Variants in PCDHA7 observed in about 807,000 individuals in gnomAD.
PCDHA7 encodes protocadherin alpha 7.
In PCDHA7, 37 loss-of-function variants were observed where a neutral mutation model predicts 57.2. The observed-to-expected ratio is 0.65, with a 90% CI of 0.50 to 0.85. PCDHA7 has a LOEUF of 0.85. Among genes scored for constraint, PCDHA7 ranks in the 40% least tolerant of loss-of-function variants. The pLI, the probability that PCDHA7 is intolerant of heterozygous loss-of-function variation, is 0.00. For synonymous variants in PCDHA7, 553 were observed against 558.8 expected (o/e 0.99, Z 0.15); for missense variants, 1,188 against 1,241.8 (o/e 0.96, Z 0.65).
At chr5:140,856,595 A>G in intron 1 of PCDHA7, 1 of 1,597,868 alleles carries the variant, frequency 6.3e-7, no homozygotes. Context: ...TGATATTATA[A>G]ACAAAAAAGA....
intron 1 of PCDHA7, chr5:140,856,875 T>C (rs782182859): frequency 1.3e-6 from 2 of 1,595,778 alleles, no homozygotes; most frequent in Non-Finnish European, 1.7e-6. Flanking sequence ...AACAAGGAAA[T>C]GATGTATTCA....
intron 1 of PCDHA7, among the ~76,000 whole-genome samples, chr5:140,900,657 C>T (rs116775770): frequency 0.011 from 1,723 of 152,294 alleles, 23 homozygotes; most frequent in African/African-American, 0.039. Context: ...CTGCAATGAA[C>T]AATGGGAGTG....
Position 140,858,656 on chromosome 5 carries a change from T to A in PCDHA7, c.2355+21918T>A, listed in dbSNP as rs1562540116. 9 of 783,778 alleles carry A rather than the reference T, an allele frequency of 1.1e-5. 2 individuals are homozygous for A. The highest frequency in any genetic ancestry group is 1.6e-5 in the Non-Finnish European group (8 of 509,472). 48.6% of individuals were successfully genotyped at this position (783,778 alleles called of 1,614,324 possible). A position where few individuals can be genotyped will look rare whatever the true frequency, so the allele number is the denominator to read the frequency against. On this transcript the variant is annotated intron_variant, in intron 1 of 3. Transcript: ENST00000525929. ...CCTTTGATTGGTACTTAAATTTTTTTAAATAACAATTTATTCTGAATACAC... is the reference window on the plus strand; with the variant it reads ...CCTTTGATTGGTACTTAAATTTTTTAAAATAACAATTTATTCTGAATACAC...
chr5:141,010,535 C>G lies in PCDHA7; in HGVS notation c.*598C>G, dbSNP rs1423355739. 1 of 386,620 alleles carries G rather than the reference C, an allele frequency of 2.6e-6. No homozygotes were observed. Among genetic ancestry groups the G allele is most frequent in the African/African-American group, 2.0e-5 (1 of 48,880 alleles). 23.9% of individuals were successfully genotyped at this position (386,620 alleles called of 1,614,324 possible). On this transcript the variant is annotated 3_prime_UTR_variant, in exon 4 of 4. Coordinates refer to ENST00000525929, the MANE Select transcript of PCDHA7 (RefSeq NM_018910.3). ...CAACTCAAGAGGTGGCAGCCACCCT[C>G]TAGGAGACAAAACTACCCCCACTGA...
chr5:140,934,995 T>G (rs1443676222), intron 1 of PCDHA7, among the ~76,000 whole-genome samples: 1 of 152,172 alleles, frequency 6.6e-6, no homozygotes, highest in East Asian at 1.9e-4. Context: ...ACACCCTGAA[T>G]CCTTTTCATG....
intron 1 of PCDHA7, among the ~76,000 whole-genome samples, chr5:140,934,036 G>T (rs181745303): frequency 2.9e-4 from 44 of 151,956 alleles, no homozygotes; most frequent in African/African-American, 1.0e-3. Context: ...GTTTATTAAT[G>T]ATATTAGTCT....
At chr5:140,908,455 AT>A (rs367827339) in intron 1 of PCDHA7, among the ~76,000 whole-genome samples, 51 of 152,296 alleles carry the variant, frequency 3.3e-4, no homozygotes, top group African/African-American at 9.9e-4. Flanking sequence ...GGCTAGATGG[AT>A]CAGAAAGCAC....
chr5:140,922,131 TTATCC>T (rs2080656521), intron 1 of PCDHA7, among the ~76,000 whole-genome samples: 1 of 152,176 alleles, frequency 6.6e-6, no homozygotes, highest in South Asian at 2.1e-4. Context: ...TAAATGTCTC[TTATCC>T]TCCATGAAAC....
intron 1 of PCDHA7, among the ~76,000 whole-genome samples, chr5:140,935,731 T>C (rs923257790): frequency 2.6e-5 from 4 of 152,202 alleles, no homozygotes; most frequent in Non-Finnish European, 4.4e-5. Context: ...AGAAGTCTAG[T>C]ATCTATTATT....
intron 1 of PCDHA7, among the ~76,000 whole-genome samples, chr5:140,942,323 T>C (rs1489572732): frequency 6.6e-6 from 1 of 151,970 alleles, no homozygotes; most frequent in Non-Finnish European, 1.5e-5. Flanking sequence ...GGCACAAGAA[T>C]CACTTGAACC....
intron 3 of PCDHA7, among the ~76,000 whole-genome samples, chr5:140,987,740 A>G (rs1454887233): frequency 6.6e-6 from 1 of 152,078 alleles, no homozygotes; most frequent in Admixed American, 6.5e-5. Flanking sequence ...CAAAATTTAG[A>G]CCCAGGTTGT....
intron 1 of PCDHA7, chr5:140,875,768 G>C (rs997656321): frequency 6.2e-7 from 1 of 1,614,144 alleles, no homozygotes; most frequent in African/African-American, 1.3e-5. Flanking sequence ...TGCGGGCGGA[G>C]CGCGGAGTGC....
At chr5:141,001,220 G>T (rs1554258038) in intron 3 of PCDHA7, among the ~76,000 whole-genome samples, 1 of 152,116 alleles carries the variant, frequency 6.6e-6, no homozygotes, top group African/African-American at 2.4e-5. Flanking sequence ...TATAAGGATA[G>T]TTACATTTAA....
intron 1 of PCDHA7, among the ~76,000 whole-genome samples, chr5:140,938,848 G>T (rs1554212426): frequency 6.6e-6 from 1 of 151,980 alleles, no homozygotes; most frequent in Non-Finnish European, 1.5e-5. Flanking sequence ...ACCTGCCCAT[G>T]TACCCCTGAA....
chr5:140,894,724 C>T (rs1322007306), intron 1 of PCDHA7, among the ~76,000 whole-genome samples: 7 of 151,784 alleles, frequency 4.6e-5, no homozygotes, highest in African/African-American at 9.7e-5. Context: ...TCAAATATTA[C>T]GTAGCAATTT....
At position 140,868,885 on chromosome 5, in the gene PCDHA7, T is replaced by C. The variant is rs559907492; in HGVS notation, c.2355+32147T>C. 56 of 733,832 alleles carry C rather than the reference T, an allele frequency of 7.6e-5. 1 individual carries two copies. The highest frequency in any genetic ancestry group is 1.1e-4 in the Non-Finnish European group (52 of 469,948). The allele number at this position is 733,832 out of a possible 1,614,324, so 45.5% of individuals were successfully genotyped here. A position where few individuals can be genotyped will look rare whatever the true frequency, so the allele number is the denominator to read the frequency against. On this transcript the variant is annotated intron_variant, in intron 1 of 3. Transcript: ENST00000525929. ...ATGCAGTGCACAGTACTCACAGTTTTAGGCGCAAGGTGTCGCTCTTTACTT... is the reference window on the plus strand; with the variant it reads ...ATGCAGTGCACAGTACTCACAGTTTCAGGCGCAAGGTGTCGCTCTTTACTT...
chr5:140,842,034 A>G, intron 1 of PCDHA7: 1 of 1,613,854 alleles, frequency 6.2e-7, no homozygotes, highest in Non-Finnish European at 8.5e-7. Context: ...GTGAATGATA[A>G]TGCTCCCACT....
chr5:140,851,482 A>G lies in PCDHA7; in HGVS notation c.2355+14744A>G, dbSNP rs920921115. ...AATTATGTCAATAAATGTTATAAAC[A>G]CAGCCTTCATTTCAACTTATATAAA... On this transcript the variant is annotated intron_variant, in intron 1 of 3. Coordinates refer to ENST00000525929, the MANE Select transcript of PCDHA7 (RefSeq NM_018910.3). 35 of 893,414 alleles carry G rather than the reference A, an allele frequency of 3.9e-5. 3 individuals carry two copies. The highest frequency in any genetic ancestry group is 4.2e-5 in the Non-Finnish European group (31 of 732,620). The allele number at this position is 893,414 out of a possible 1,614,324, so 55.3% of individuals were successfully genotyped here. A position where few individuals can be genotyped will look rare whatever the true frequency, so the allele number is the denominator to read the frequency against.
chr5:140,999,372 G>A (rs1029178969), intron 3 of PCDHA7, among the ~76,000 whole-genome samples: 3 of 152,188 alleles, frequency 2.0e-5, no homozygotes, highest in Non-Finnish European at 1.5e-5. Context: ...AATCCCATTA[G>A]ATGGTTATTG....
Sources: allele counts gnomAD v4.1 joint callset (sites outside exome capture counted in the v4.1 genomes callset), GRCh38; gene constraint gnomAD v4.1.1; transcripts MANE v1.5; gene names NCBI Gene and HGNC (gene_info 2026-07-23, HGNC 2026-07-21).